The following EYS variants were observed in gnomAD, a reference collection of about 807,000 sequenced individuals.
EYS encodes the protein protein eyes shut homolog.
Under a neutral mutation model 282.1 loss-of-function variants are expected in EYS, and 250 were observed. The observed-to-expected ratio is 0.89, with a 90% CI of 0.80 to 0.98. The LOEUF is 0.98. Ranked by LOEUF, EYS falls within the 50% of genes least tolerant of loss-of-function variation. The pLI is 0.00. For synonymous variants in EYS, 1,355 were observed against 1,282.9 expected (o/e 1.06, Z -1.20); for missense variants, 4,016 against 3,709.0 (o/e 1.08, Z -2.15).
intron 5 of EYS, among the ~76,000 whole-genome samples, chr6:65,477,717 G>A (rs974508996): frequency 6.6e-6 from 1 of 152,120 alleles, no homozygotes; most frequent in African/African-American, 2.4e-5. Context: ...TACACTCTGA[G>A]TCAAAAATAA....
chr6:64,490,841 A>G (rs1487758329), intron 26 of EYS, among the ~76,000 whole-genome samples: 2 of 150,900 alleles, frequency 1.3e-5, no homozygotes, highest in Non-Finnish European at 3.0e-5. Context: ...AAACTTCTAT[A>G]TAAAGCATCA....
At chr6:64,448,803 T>A (rs530976118) in intron 26 of EYS, among the ~76,000 whole-genome samples, 1 of 152,238 alleles carries the variant, frequency 6.6e-6, no homozygotes, top group East Asian at 1.9e-4. Flanking sequence ...GTCCTCACTG[T>A]TAGAAGGAAA....
chr6:64,425,287 A>G (rs1403708791), intron 28 of EYS, among the ~76,000 whole-genome samples: 3 of 152,116 alleles, frequency 2.0e-5, no homozygotes, highest in African/African-American at 7.2e-5. Context: ...ATGTTTTTTT[A>G]AAAAACACCC....
chr6:63,802,590 T>C (rs1222777563), intron 37 of EYS, among the ~76,000 whole-genome samples: 1 of 152,180 alleles, frequency 6.6e-6, no homozygotes, highest in Non-Finnish European at 1.5e-5. Flanking sequence ...AGCACATTCA[T>C]GTTATTTTAA....
chr6:65,627,384 G>A (rs891505017), intron 2 of EYS, among the ~76,000 whole-genome samples: 2 of 152,138 alleles, frequency 1.3e-5, no homozygotes, highest in African/African-American at 4.8e-5. Flanking sequence ...CACATCCCTC[G>A]CTCGCTCTCG....
chr6:64,467,157 A>G (rs1775945802), intron 26 of EYS, among the ~76,000 whole-genome samples: 1 of 152,218 alleles, frequency 6.6e-6, no homozygotes, highest in Admixed American at 6.5e-5. Flanking sequence ...CAAAATGCTG[A>G]TATTTATTAG....
At chr6:65,329,473 T>G (rs1452554687) in intron 11 of EYS, 2 of 971,670 alleles carry the variant, frequency 2.1e-6, no homozygotes, top group Admixed American at 6.2e-5. Context: ...TGTAAGTGCC[T>G]TAGACAAAAA....
In EYS at chr6:63,984,637, G is replaced by A; in HGVS notation, c.6835-34C>T. 3 of 1,385,344 alleles carry A rather than the reference G, an allele frequency of 2.2e-6. No homozygotes were observed. In the South Asian group the frequency reaches 3.8e-5, roughly 17 times the overall value. 85.8% of individuals were successfully genotyped at this position (1,385,344 alleles called of 1,614,324 possible). On this transcript the variant is annotated intron_variant, in intron 34 of 42. Coordinates refer to ENST00000503581, the MANE Select transcript of EYS (RefSeq NM_001142800.2). Reference sequence around the variant, plus strand: ...AAAGTAACAACAAAAAATATTATAGGTTGTTGTCAGATTATGTGGAAAAGA... The same window carrying A: ...AAAGTAACAACAAAAAATATTATAGATTGTTGTCAGATTATGTGGAAAAGA...
At chr6:65,428,482 T>C (rs527854534) in intron 5 of EYS, among the ~76,000 whole-genome samples, 1 of 152,026 alleles carries the variant, frequency 6.6e-6, no homozygotes, top group South Asian at 2.1e-4. Context: ...TATTTTTCTA[T>C]GAAATAGTCA....
chr6:63,868,285 T>C (rs1772716339), intron 35 of EYS, among the ~76,000 whole-genome samples: 1 of 152,134 alleles, frequency 6.6e-6, no homozygotes, highest in Admixed American at 6.6e-5. Context: ...GTAAGAATAT[T>C]AACTGTCATT....
At chr6:64,186,904 A>C (rs2150314559) in intron 31 of EYS, among the ~76,000 whole-genome samples, 1 of 152,290 alleles carries the variant, frequency 6.6e-6, no homozygotes, top group Admixed American at 6.5e-5. Flanking sequence ...CATACAGAGT[A>C]CTTAGTTGTA....
At chr6:65,141,577 A>G (rs994575855) in intron 12 of EYS, among the ~76,000 whole-genome samples, 1 of 152,052 alleles carries the variant, frequency 6.6e-6, no homozygotes. Flanking sequence ...CTAAGTGGAT[A>G]ATTCTAAATA....
chr6:65,004,442 C>T (rs1000714210), intron 13 of EYS, among the ~76,000 whole-genome samples: 5 of 147,482 alleles, frequency 3.4e-5, no homozygotes, highest in African/African-American at 9.7e-5. Context: ...TAATTGCAGC[C>T]GCTGAAGGAA....
chr6:64,764,283 T>C (rs1206113203), intron 22 of EYS, among the ~76,000 whole-genome samples: 1 of 152,244 alleles, frequency 6.6e-6, no homozygotes, highest in East Asian at 1.9e-4. Context: ...TTCTGAAATC[T>C]AGGCAGGAGT....
chr6:63,870,133 C>A (rs1466358218), intron 35 of EYS, among the ~76,000 whole-genome samples: 1 of 152,086 alleles, frequency 6.6e-6, no homozygotes, highest in South Asian at 2.1e-4. Context: ...AGATAATGTG[C>A]CTATTTTGAA....
At chr6:64,389,138 A>G (rs561752281) in intron 28 of EYS, among the ~76,000 whole-genome samples, 10 of 152,316 alleles carry the variant, frequency 6.6e-5, no homozygotes, top group Admixed American at 3.9e-4. Flanking sequence ...ATAATATTCC[A>G]TTTTAGCTTT....
chr6:64,884,244 T>G (rs952653044), intron 19 of EYS, among the ~76,000 whole-genome samples: 1 of 151,540 alleles, frequency 6.6e-6, no homozygotes, highest in South Asian at 2.1e-4. Context: ...GTTACCAAAT[T>G]TTAACACATT....
chr6:64,118,057 G>T (rs1471834961), intron 31 of EYS, among the ~76,000 whole-genome samples: 5 of 152,038 alleles, frequency 3.3e-5, no homozygotes, highest in African/African-American at 4.8e-5. Context: ...ACAAAGAGAT[G>T]GAAGGCTATT....
intron 2 of EYS, among the ~76,000 whole-genome samples, chr6:65,588,150 A>G (rs1257454439): frequency 6.6e-6 from 1 of 151,960 alleles, no homozygotes; most frequent in Non-Finnish European, 1.5e-5. Flanking sequence ...AGATAATGAA[A>G]TTTCCTGCTG....
Sources: gnomAD v4.1 joint callset for allele counts (sites outside exome capture counted in the v4.1 genomes callset) on GRCh38, gnomAD v4.1.1 for gene constraint, MANE v1.5 for transcripts, NCBI Gene and HGNC (gene_info 2026-07-23, HGNC 2026-07-21) for gene names.